NFASC: variants seen among roughly 807,000 people sequenced by gnomAD.
NFASC encodes the protein neurofascin homolog.
A neutral mutation model predicts 147.5 loss-of-function variants in NFASC; 43 were observed. That is an observed-to-expected ratio of 0.29 (90% confidence interval 0.23 to 0.38). The LOEUF (loss-of-function observed/expected upper bound fraction) is 0.38, where lower values mean the gene tolerates loss of function less well. Ranked by LOEUF, NFASC falls within the 10% of genes least tolerant of loss-of-function variation. The probability of loss-of-function intolerance (pLI) is 1.00; values close to 1 mark genes in which losing one functional copy is unlikely to be tolerated. For missense variants in NFASC, 1,320 were observed against 1,689.0 expected, an observed-to-expected ratio of 0.78 and a Z score of 3.83; for synonymous variants, 622 against 665.5, an observed-to-expected ratio of 0.93 and a Z score of 1.01.
At chr1:204,877,019 T>TAA (rs1457486872) in intron 1 of NFASC, among the ~76,000 whole-genome samples, 2 of 108,160 alleles carry the variant, frequency 1.8e-5, no homozygotes, top group Non-Finnish European at 3.3e-5. Flanking sequence ...TATATATATA[T>TAA]ATATATATAA....
chr1:204,941,308 T>C (rs570074425), intron 2 of NFASC, among the ~76,000 whole-genome samples: 16 of 152,378 alleles, frequency 1.1e-4, no homozygotes, highest in Admixed American at 2.0e-4. Flanking sequence ...GGGAGAGAAT[T>C]GCTACACAGC....
At chr1:204,948,552 C>A in intron 3 of NFASC, 1 of 517,342 alleles carries the variant, frequency 1.9e-6, no homozygotes, top group Non-Finnish European at 3.9e-6. Flanking sequence ...CTGGCTCGCT[C>A]ACCTCTCTGG....
chr1:204,980,644 G>T (rs899431287), intron 20 of NFASC, among the ~76,000 whole-genome samples: 7 of 152,202 alleles, frequency 4.6e-5, no homozygotes, highest in Admixed American at 6.5e-5. Context: ...CTAAGTGTAA[G>T]ATTTCAGAGA....
In NFASC at chr1:205,010,908, A is replaced by C. The variant is rs2096242689; in HGVS notation, c.3421+1220A>C. On this transcript the variant is annotated intron_variant, in intron 28 of 29. Transcript: ENST00000339876. This position sits in a 1 kb window ranked among gnomAD's most constrained non-coding sequence, Gnocchi z 4.1. Reference sequence around the variant, plus strand: ...GCAGAGCAAGACTCCGTCTCAAAAAAGGAAAAAAAAAAAAAAAGATCCTGC... The same window carrying C: ...GCAGAGCAAGACTCCGTCTCAAAAACGGAAAAAAAAAAAAAAAGATCCTGC... 1 of 128,224 alleles carries C rather than the reference A, an allele frequency of 7.8e-6. No individual in the cohort carries two copies. The highest frequency in any genetic ancestry group is 2.6e-5 in the African/African-American group (1 of 37,776). 7.9% of individuals were successfully genotyped at this position (128,224 alleles called of 1,614,324 possible). A position where few individuals can be genotyped will look rare whatever the true frequency, so the allele number is the denominator to read the frequency against.
At chr1:204,962,210 T>C (rs2094711205) in intron 8 of NFASC, 2 of 1,484,890 alleles carry the variant, frequency 1.3e-6, no homozygotes, top group Admixed American at 1.7e-5. Flanking sequence ...TAACCCCAGT[T>C]TGCCTAACTT....
chr1:204,994,053 C>A (rs978219018), intron 24 of NFASC, among the ~76,000 whole-genome samples: 1 of 152,188 alleles, frequency 6.6e-6, no homozygotes, highest in Non-Finnish European at 1.5e-5. Context: ...TGCCTTGGGA[C>A]AATAGACACA....
intron 1 of NFASC, among the ~76,000 whole-genome samples, chr1:204,860,460 C>T (rs1046547489): frequency 2.0e-5 from 3 of 152,208 alleles, no homozygotes; most frequent in Admixed American, 1.3e-4. Flanking sequence ...CTCAACACTG[C>T]TGCCTGTGAG....
intron 1 of NFASC, among the ~76,000 whole-genome samples, chr1:204,877,041 A>C (rs1488571165): frequency 9.4e-6 from 1 of 106,550 alleles, no homozygotes; most frequent in Non-Finnish European, 1.6e-5. Context: ...ATATATTTAT[A>C]TATATATAAT....
At chr1:204,945,270 G>A (rs1354371710) in intron 3 of NFASC, among the ~76,000 whole-genome samples, 1 of 152,188 alleles carries the variant, frequency 6.6e-6, no homozygotes, top group Non-Finnish European at 1.5e-5. Flanking sequence ...GCTAGGATGT[G>A]AGCATGCCAT....
At chr1:204,852,877 GT>G (rs2075821153) in intron 1 of NFASC, among the ~76,000 whole-genome samples, 1 of 152,176 alleles carries the variant, frequency 6.6e-6, no homozygotes, top group South Asian at 2.1e-4. Context: ...TTAAGTACAT[GT>G]TTTGGGGACG....
chr1:204,834,931 C>A (rs1673250237), intron 1 of NFASC, among the ~76,000 whole-genome samples: 7 of 152,120 alleles, frequency 4.6e-5, no homozygotes, highest in Admixed American at 4.6e-4. Flanking sequence ...ATACCTAGTT[C>A]TGACTCTAGG....
intron 2 of NFASC, among the ~76,000 whole-genome samples, chr1:204,942,656 G>C (rs1168931562): frequency 3.0e-5 from 4 of 132,038 alleles, no homozygotes; most frequent in African/African-American, 9.8e-5. Context: ...CAAACCACAG[G>C]GGGGAAAAGT....
chr1:204,952,454 C>A (rs2094178618), intron 5 of NFASC, among the ~76,000 whole-genome samples: 1 of 147,370 alleles, frequency 6.8e-6, no homozygotes, highest in African/African-American at 2.6e-5. Context: ...CAACTTGAGT[C>A]TTTCATTCTG....
At chr1:204,892,568 G>A (rs1442202038) in intron 1 of NFASC, among the ~76,000 whole-genome samples, 1 of 152,194 alleles carries the variant, frequency 6.6e-6, no homozygotes, top group East Asian at 1.9e-4. Flanking sequence ...GTAGCCACTA[G>A]CCCATGTGAC....
At chr1:204,855,873 T>A (rs2076108707) in intron 1 of NFASC, among the ~76,000 whole-genome samples, 1 of 152,168 alleles carries the variant, frequency 6.6e-6, no homozygotes, top group Admixed American at 6.5e-5. Context: ...TAACTGGGAT[T>A]GGGCAGGAAA....
At chr1:204,976,213 T>C (rs113699057) in intron 15 of NFASC, among the ~76,000 whole-genome samples, 1,683 of 110,768 alleles carry the variant, frequency 0.015, 23 homozygotes, top group African/African-American at 0.047. Context: ...CCCCTCTCTA[T>C]AGGAGACAGT....
intron 1 of NFASC, among the ~76,000 whole-genome samples, chr1:204,902,627 A>G (rs1277117752): frequency 1.3e-5 from 2 of 152,180 alleles, no homozygotes; most frequent in African/African-American, 4.8e-5. Flanking sequence ...GGAGAAGGAA[A>G]GGTGGGGTGT....
At chr1:204,868,053 G>C (rs1460784746) in intron 1 of NFASC, among the ~76,000 whole-genome samples, 1 of 152,238 alleles carries the variant, frequency 6.6e-6, no homozygotes, top group Admixed American at 6.5e-5. Flanking sequence ...ATACTTTGTG[G>C]TGACAAGTTT....
intron 1 of NFASC, among the ~76,000 whole-genome samples, chr1:204,884,039 A>G (rs1365494935): frequency 6.6e-6 from 1 of 152,198 alleles, no homozygotes; most frequent in Non-Finnish European, 1.5e-5. Flanking sequence ...CCTGCGTCTC[A>G]CACAGAAGTA....
Sources: allele counts gnomAD v4.1 joint callset (sites outside exome capture counted in the v4.1 genomes callset), GRCh38; gene constraint gnomAD v4.1.1; non-coding constraint Gnocchi (gnomAD v3.1); transcripts MANE v1.5; gene names NCBI Gene and HGNC (gene_info 2026-07-23, HGNC 2026-07-21).